Variants in THSD7A observed in about 807,000 individuals in gnomAD.
The protein encoded by THSD7A is thrombospondin type-1 domain-containing protein 7A.
Under a neutral mutation model 231.3 loss-of-function variants are expected in THSD7A, and 96 were observed. The ratio of observed to expected loss-of-function variants is 0.41; its 90% CI spans 0.35 to 0.49. The LOEUF is 0.49. Ranked by LOEUF, THSD7A falls within the 20% of genes least tolerant of loss-of-function variation. The probability of loss-of-function intolerance (pLI) is 0.05; values close to 1 mark genes in which losing one functional copy is unlikely to be tolerated. For synonymous variants in THSD7A, 940 were observed against 743.3 expected, an observed-to-expected ratio of 1.26 and a Z score of -4.30; for missense variants, 2,290 against 2,070.2, an observed-to-expected ratio of 1.11 and a Z score of -2.06.
At chr7:11,796,291 T>A (rs1377417485) in intron 1 of THSD7A, among the ~76,000 whole-genome samples, 1 of 151,374 alleles carries the variant, frequency 6.6e-6, no homozygotes, top group African/African-American at 2.4e-5. Context: ...CTGTTTTACC[T>A]AAAATCATAT....
chr7:11,529,426 T>G lies in THSD7A; in HGVS notation c.1822+11993A>C, dbSNP rs142038938. Among the ~76,000 whole-genome samples the G allele has an allele frequency of 5.9e-3, 903 of 152,256 alleles. 12 individuals carry two copies. The highest frequency in any genetic ancestry group is 0.021 in the African/African-American group (862 of 41,552). On this transcript the variant is annotated intron_variant, in intron 6 of 27. Transcript: ENST00000423059. ...TTATTGGTAAGTGATATGGTTTGCG[T>G]GTGTCCCGACCCAAATCTCATCTTG... is the stretch of plus-strand genomic sequence containing the variant.
At chr7:11,668,062 T>C (rs1469574696) in intron 1 of THSD7A, among the ~76,000 whole-genome samples, 3 of 152,168 alleles carry the variant, frequency 2.0e-5, no homozygotes, top group Non-Finnish European at 4.4e-5. Flanking sequence ...TAACAAACTG[T>C]GCCAGGAAGT....
rs936022936 is a variant in THSD7A, at chr7:11,821,041, C to A, written c.190+10716G>T. 6 of 975,186 alleles carry A rather than the reference C, an allele frequency of 6.2e-6. No individual in the cohort carries two copies. In the African/African-American group the frequency reaches 6.4e-5, roughly 10 times the overall value. The allele number at this position is 975,186 out of a possible 1,614,324, so 60.4% of individuals were successfully genotyped here. A position where few individuals can be genotyped will look rare whatever the true frequency, so the allele number is the denominator to read the frequency against. On this transcript the variant is annotated intron_variant, in intron 1 of 27. Transcript: ENST00000423059. Reference sequence around the variant, plus strand: ...CCAGGTTTTCTGGGACTTTTCATTTCATCACGAGCCAAACCATGTTTTATG... The same window carrying A: ...CCAGGTTTTCTGGGACTTTTCATTTAATCACGAGCCAAACCATGTTTTATG...
intron 3 of THSD7A, among the ~76,000 whole-genome samples, chr7:11,591,364 G>A (rs998671029): frequency 5.3e-5 from 8 of 152,112 alleles, no homozygotes; most frequent in Admixed American, 3.9e-4. Flanking sequence ...AATATTTCTC[G>A]ATGCCACCGA....
At chr7:11,412,535 AAAGT>A (rs1783820590) in intron 18 of THSD7A, 117 bp downstream of exon 18, 1 of 1,178,204 alleles carries the variant, frequency 8.5e-7, no homozygotes, top group African/African-American at 1.5e-5. Context: ...TATTTCTGGG[AAAGT>A]AAGCAGCATA....
intron 1 of THSD7A, chr7:11,821,046 C>T (rs536707319): frequency 6.9e-4 from 674 of 975,776 alleles, no homozygotes; most frequent in Non-Finnish European, 9.3e-4. Flanking sequence ...CATTTCATCA[C>T]GAGCCAAACC....
chr7:11,640,904 T>TC (rs1584130702), intron 1 of THSD7A, among the ~76,000 whole-genome samples: 2 of 152,024 alleles, frequency 1.3e-5, no homozygotes, highest in East Asian at 3.9e-4. Flanking sequence ...GGTTGAGGAG[T>TC]ATATCTTCAT....
intron 9 of THSD7A, among the ~76,000 whole-genome samples, chr7:11,467,506 C>T (rs1785759608): frequency 6.6e-6 from 1 of 152,048 alleles, no homozygotes; most frequent in African/African-American, 2.4e-5. Flanking sequence ...AGTATTTATA[C>T]ATATATACAC....
chr7:11,821,206 A>C (rs1784863337), intron 1 of THSD7A: 2 of 1,174,922 alleles, frequency 1.7e-6, no homozygotes, highest in Non-Finnish European at 2.5e-6. Flanking sequence ...AACATGGTGA[A>C]CAATGGTCAC....
At chr7:11,518,600 C>CA (rs1788133001) in intron 6 of THSD7A, among the ~76,000 whole-genome samples, 1 of 150,542 alleles carries the variant, frequency 6.6e-6, no homozygotes, top group African/African-American at 2.4e-5. Flanking sequence ...AAAATAGAAA[C>CA]ACACACACAC....
At chr7:11,501,823 A>C (rs760122976) in intron 6 of THSD7A, among the ~76,000 whole-genome samples, 3 of 152,224 alleles carry the variant, frequency 2.0e-5, no homozygotes, top group Non-Finnish European at 4.4e-5. Flanking sequence ...AAAAACATTC[A>C]AAAGGTCAAT....
intron 1 of THSD7A, among the ~76,000 whole-genome samples, chr7:11,672,786 A>G (rs1483668848): frequency 1.3e-5 from 2 of 152,188 alleles, no homozygotes; most frequent in Non-Finnish European, 2.9e-5. Context: ...GCTTTTACAG[A>G]AGCAAATTCA....
intron 13 of THSD7A, among the ~76,000 whole-genome samples, chr7:11,441,840 G>C (rs1172832764): frequency 6.6e-6 from 1 of 151,940 alleles, no homozygotes; most frequent in Non-Finnish European, 1.5e-5. Flanking sequence ...GCAGGGGTCG[G>C]GGGCTAGGGG....
At chr7:11,725,486 T>A (rs1781516539) in intron 1 of THSD7A, among the ~76,000 whole-genome samples, 1 of 152,002 alleles carries the variant, frequency 6.6e-6, no homozygotes, top group South Asian at 2.1e-4. Flanking sequence ...GATTCACTGC[T>A]TTCTCACGCT....
Position 11,571,290 on chromosome 7 carries a change from C to A in THSD7A, c.1453+19170G>T, listed in dbSNP as rs566883828. On this transcript the variant is annotated intron_variant, in intron 4 of 27. Coordinates refer to ENST00000423059, the MANE Select transcript of THSD7A (RefSeq NM_015204.3). Reference sequence around the variant, plus strand: ...TGATTTATTTTCTGAAAGGAAATTACGATGTTATTCTGAGGAACATGATGT... The same window carrying A: ...TGATTTATTTTCTGAAAGGAAATTAAGATGTTATTCTGAGGAACATGATGT... 6.6e-5 allele frequency among the ~76,000 whole-genome samples: 10 copies of A among 152,244 alleles called. No individual in the cohort carries two copies. In the South Asian group the frequency reaches 2.1e-3, roughly 32 times the overall value.
chr7:11,471,297 G>GA (rs1285788468), intron 8 of THSD7A, among the ~76,000 whole-genome samples: 1 of 151,886 alleles, frequency 6.6e-6, no homozygotes, highest in Non-Finnish European at 1.5e-5. Flanking sequence ...AGATCAGTGG[G>GA]AAATAGGATT....
At chr7:11,424,663 C>A in intron 16 of THSD7A, 33 bp downstream of exon 16, 29 of 1,612,378 alleles carry the variant, frequency 1.8e-5, no homozygotes, top group Non-Finnish European at 2.5e-5. Flanking sequence ...AGTTTTGTGT[C>A]TTGCTTTTCT....
At chr7:11,670,976 T>C (rs368084561) in intron 1 of THSD7A, among the ~76,000 whole-genome samples, 45 of 152,306 alleles carry the variant, frequency 3.0e-4, no homozygotes, top group African/African-American at 1.1e-3. Flanking sequence ...TAAAGAATAC[T>C]ATTTTCCATA....
At chr7:11,442,993 C>T (rs1304734898) in intron 13 of THSD7A, among the ~76,000 whole-genome samples, 1 of 152,000 alleles carries the variant, frequency 6.6e-6, no homozygotes, top group African/African-American at 2.4e-5. Flanking sequence ...ATGTATACTG[C>T]CTTTGGCCAA....
Sources: allele counts gnomAD v4.1 joint callset (sites outside exome capture counted in the v4.1 genomes callset), GRCh38; gene constraint gnomAD v4.1.1; transcripts MANE v1.5; gene names NCBI Gene and HGNC (gene_info 2026-07-23, HGNC 2026-07-21).